The following ANKFY1 variants were observed in gnomAD, a reference collection of about 807,000 sequenced individuals.
The protein encoded by ANKFY1 is ankyrin repeat and FYVE domain-containing protein 1.
ANKFY1 carries 47 observed loss-of-function variants against 128.3 expected under a neutral mutation model. The observed-to-expected ratio is 0.37, with a 90% confidence interval of 0.29 to 0.47. The LOEUF (loss-of-function observed/expected upper bound fraction) is 0.47. Among genes scored for constraint, ANKFY1 ranks in the 20% least tolerant of loss-of-function variants. The pLI, the probability that ANKFY1 is intolerant of heterozygous loss-of-function variation, is 1.00. For synonymous variants in ANKFY1, 553 were observed against 601.6 expected (o/e 0.92, Z 1.18); for missense variants, 1,222 against 1,510.6 (o/e 0.81, Z 3.17).
chr17:4,201,576 C>T (rs1334762453), intron 7 of ANKFY1, among the ~76,000 whole-genome samples: 1 of 150,540 alleles, frequency 6.6e-6, no homozygotes, highest in Non-Finnish European at 1.5e-5. Context: ...CTGGTTAGGG[C>T]TATTGGGTTC....
At chr17:4,189,093 G>A (rs1343359344) in intron 11 of ANKFY1, among the ~76,000 whole-genome samples, 1 of 152,128 alleles carries the variant, frequency 6.6e-6, no homozygotes, top group South Asian at 2.1e-4. Context: ...TTGTGCACGC[G>A]TTTGCTAACC....
chr17:4,263,685 T>C, intron 1 of ANKFY1: 1 of 1,526,098 alleles, frequency 6.6e-7, no homozygotes, highest in Non-Finnish European at 8.8e-7. Flanking sequence ...GCGCGGGACC[T>C]GCCAGCCCGG....
chr17:4,179,565 C>T lies in ANKFY1; in HGVS notation c.2397+156G>A, dbSNP rs1455622514. The T allele has an allele frequency of 7.3e-6, 7 of 954,994 alleles. 1 individual carries two copies. The highest frequency in any genetic ancestry group is 2.4e-5 in the East Asian group (1 of 41,128). 59.2% of individuals were successfully genotyped at this position (954,994 alleles called of 1,614,324 possible). A position where few individuals can be genotyped will look rare whatever the true frequency, so the allele number is the denominator to read the frequency against. ...GTAAGGACAAAGGCACAGAGAAGCA[C>T]AGTCAGCCTGAAATCATGAACGCTG... On this transcript the variant is annotated intron_variant, in intron 17 of 24. Coordinates refer to ENST00000341657, the MANE Select transcript of ANKFY1 (RefSeq NM_001330063.2).
At position 4,245,532 on chromosome 17, in the gene ANKFY1, G is replaced by C. The variant is rs1471514196; in HGVS notation, c.11-3084C>G. Among the ~76,000 whole-genome samples, 5 of 151,490 alleles carry C rather than the reference G, an allele frequency of 3.3e-5. No homozygotes were observed. The East Asian group carries it at 9.6e-4, about 29-fold the overall frequency. ...AATTTTTAAGTTTTTTGGAGAGATG[G>C]GCCTTGCTATGTTGCCAGGGCTACG... is the stretch of plus-strand genomic sequence containing the variant. On this transcript the variant is annotated intron_variant, in intron 1 of 24. Coordinates refer to ENST00000341657, the MANE Select transcript of ANKFY1 (RefSeq NM_001330063.2).
chr17:4,260,020 CAA>C (rs1325560755), intron 1 of ANKFY1, among the ~76,000 whole-genome samples: 1 of 152,106 alleles, frequency 6.6e-6, no homozygotes, highest in South Asian at 2.1e-4. Context: ...ACAAAGAACG[CAA>C]AAAAGTCAGT....
intron 24 of ANKFY1, chr17:4,168,237 G>A (rs1252126508): frequency 5.8e-6 from 1 of 172,574 alleles, no homozygotes; most frequent in Non-Finnish European, 1.2e-5. Flanking sequence ...CGCATCACTT[G>A]AGGGCACGGG....
rs1021204734 is a variant in ANKFY1 at position 4,195,568 on chromosome 17, C to G, written c.1104-97G>C. ...CAGAATCCCAGGCAGAATCACCACC[C>G]GCAAGAAATCCCACATTTCTACAAG... On this transcript the variant is annotated intron_variant, in intron 8 of 24. Coordinates refer to ENST00000341657, the MANE Select transcript of ANKFY1 (RefSeq NM_001330063.2). 3 of 877,792 alleles carry G rather than the reference C, an allele frequency of 3.4e-6. No homozygotes were observed. The East Asian group carries it at 7.3e-5, about 21-fold the overall frequency. The allele number at this position is 877,792 out of a possible 1,614,324, so 54.4% of individuals were successfully genotyped here.
intron 3 of ANKFY1, among the ~76,000 whole-genome samples, chr17:4,231,967 C>T (rs1192256904): frequency 2.0e-5 from 3 of 150,554 alleles, no homozygotes; most frequent in Non-Finnish European, 1.5e-5. Context: ...AAAGAAATAT[C>T]AATTAGACAA....
rs1374836925 is a variant in ANKFY1, at chr17:4,199,310, T to G, written c.899-1733A>C. On this transcript the variant is annotated intron_variant, in intron 7 of 24. Coordinates refer to ENST00000341657, the MANE Select transcript of ANKFY1 (RefSeq NM_001330063.2). ...CTCAGAGGATTCTCCTAACTCAGTC[T>G]CCTGAATAGCTGAGACTACAGGCAC... Among the ~76,000 whole-genome samples the G allele has an allele frequency of 2.0e-5, 3 of 152,354 alleles. No individual in the cohort carries two copies. In the East Asian group the frequency reaches 5.8e-4, roughly 29 times the overall value.
At chr17:4,239,548 A>AT (rs999167150) in intron 2 of ANKFY1, among the ~76,000 whole-genome samples, 15 of 149,972 alleles carry the variant, frequency 1.0e-4, no homozygotes, top group African/African-American at 2.4e-4. Flanking sequence ...CGAAATTTTG[A>AT]TTTTTTTTTT....
chr17:4,202,981 C>CACATATATAT (rs56856304), intron 7 of ANKFY1, among the ~76,000 whole-genome samples: 5 of 146,236 alleles, frequency 3.4e-5, no homozygotes, highest in African/African-American at 1.3e-4. Context: ...TAATCATACA[C>CACATATATAT]ATATATATAT....
At chr17:4,186,414 G>C (rs963805320) in intron 11 of ANKFY1, 6 of 151,800 alleles carry the variant, frequency 4.0e-5, no homozygotes, top group African/African-American at 1.5e-4. Context: ...GCCTCACTTG[G>C]CTAGCCTAAA....
In ANKFY1 at chr17:4,169,780, GGCA is replaced by G. The variant is rs1242629103; in HGVS notation, c.3287-495_3287-493del. Reference sequence around the variant, plus strand: ...TGCCTGGGTCTGCAGTGGGACCATGGGCAGAGCAACCTATGAGAAAGAACTAAG... The same window carrying G: ...TGCCTGGGTCTGCAGTGGGACCATGGGAGCAACCTATGAGAAAGAACTAAG... On this transcript the variant is annotated intron_variant, in intron 23 of 24. Transcript: ENST00000341657. This position sits in a 1 kb window ranked among gnomAD's most constrained non-coding sequence, Gnocchi z 5.0. Among the ~76,000 whole-genome samples, 1 of 152,162 alleles carries G rather than the reference GGCA, an allele frequency of 6.6e-6. No homozygotes were observed. Among genetic ancestry groups the G allele is most frequent in the Non-Finnish European group, 1.5e-5 (1 of 68,022 alleles).
chr17:4,240,328 G>C (rs187255841), intron 2 of ANKFY1, among the ~76,000 whole-genome samples: 1 of 151,198 alleles, frequency 6.6e-6, no homozygotes, highest in African/African-American at 2.4e-5. Context: ...GGCCTCCTAA[G>C]TGCTGGGATT....
intron 2 of ANKFY1, among the ~76,000 whole-genome samples, chr17:4,236,305 C>T (rs758632852): frequency 1.4e-4 from 21 of 152,138 alleles, no homozygotes; most frequent in Non-Finnish European, 2.8e-4. Context: ...GACTACAGTG[C>T]TACTATGCTC....
At chr17:4,179,232 G>C in intron 17 of ANKFY1, 175 bp from the exon 18 acceptor site, 1 of 687,434 alleles carries the variant, frequency 1.5e-6, no homozygotes, top group Admixed American at 2.5e-5. Context: ...GTCACTTCCT[G>C]TTACACCACG....
intron 4 of ANKFY1, among the ~76,000 whole-genome samples, chr17:4,211,920 A>T (rs1246584202): frequency 5.9e-5 from 1 of 16,868 alleles, no homozygotes. Flanking sequence ...ACAAACAAAC[A>T]AACAAAAAAC....
intron 1 of ANKFY1, among the ~76,000 whole-genome samples, chr17:4,258,116 G>A (rs1034963494): frequency 2.0e-5 from 3 of 152,170 alleles, no homozygotes; most frequent in African/African-American, 7.2e-5. Context: ...ACCAGGAAAG[G>A]GAGAGAAAAG....
chr17:4,195,661 C>T (rs1483217797), intron 8 of ANKFY1, among the ~76,000 whole-genome samples, 190 bp from the exon 9 acceptor site: 3 of 152,074 alleles, frequency 2.0e-5, no homozygotes, highest in African/African-American at 2.4e-5. Context: ...CATTATTCAG[C>T]GGCCAAAATG....
Sources: allele counts gnomAD v4.1 joint callset (sites outside exome capture counted in the v4.1 genomes callset), GRCh38; gene constraint gnomAD v4.1.1; non-coding constraint Gnocchi (gnomAD v3.1); transcripts MANE v1.5; gene names NCBI Gene and HGNC (gene_info 2026-07-23, HGNC 2026-07-21).